PTGER3: variants seen among roughly 807,000 people sequenced by gnomAD.
PTGER3 encodes the protein prostaglandin E2 receptor EP3 subtype.
In PTGER3, 22 loss-of-function variants were observed where a neutral mutation model predicts 34.7. The observed-to-expected ratio is 0.63, with a 90% CI of 0.45 to 0.91. The LOEUF is 0.91. Among genes scored for constraint, PTGER3 ranks in the 40% least tolerant of loss-of-function variants. PTGER3 has a pLI of 0.00. For synonymous variants in PTGER3, 241 were observed against 230.1 expected, an observed-to-expected ratio of 1.05 and a Z score of -0.43; for missense variants, 468 against 519.4, an observed-to-expected ratio of 0.90 and a Z score of 0.96.
chr1:70,973,695 GA>G lies in PTGER3; in HGVS notation c.1169+601del, dbSNP rs532864681. Reference sequence around the variant, plus strand: ...ACCTTTTCACAGTCCTTCTTAAAAAGAAAAAAATCACACAATGCTATAATTC... The same window carrying G: ...ACCTTTTCACAGTCCTTCTTAAAAAGAAAAAATCACACAATGCTATAATTC... On this transcript the variant is annotated intron_variant, in intron 3 of 3. Coordinates refer to ENST00000306666, the MANE Select transcript of PTGER3 (RefSeq NM_198719.2). Among the ~76,000 whole-genome samples, 10 of 152,072 alleles carry G rather than the reference GA, an allele frequency of 6.6e-5. No homozygotes were observed. In the East Asian group the frequency reaches 1.5e-3, roughly 23 times the overall value.
At chr1:71,030,299 G>A (rs1420026385) in intron 1 of PTGER3, among the ~76,000 whole-genome samples, 1 of 152,070 alleles carries the variant, frequency 6.6e-6, no homozygotes, top group Non-Finnish European at 1.5e-5. Flanking sequence ...GGTTCTCTAA[G>A]GCTCTTTCTC....
At chr1:70,999,168 T>C (rs916484994) in intron 2 of PTGER3, among the ~76,000 whole-genome samples, 1 of 152,154 alleles carries the variant, frequency 6.6e-6, no homozygotes, top group African/African-American at 2.4e-5. Context: ...CAAAAGACAA[T>C]GTACAAAATA....
chr1:70,894,739 C>A (rs1646690755), intron 4 of PTGER3, among the ~76,000 whole-genome samples: 1 of 152,194 alleles, frequency 6.6e-6, no homozygotes, highest in Non-Finnish European at 1.5e-5. Context: ...CCCACCCTAT[C>A]TCCAGTAGAG....
intron 4 of PTGER3, among the ~76,000 whole-genome samples, chr1:70,912,468 G>C (rs991852677): frequency 2.0e-5 from 3 of 152,002 alleles, no homozygotes; most frequent in Non-Finnish European, 4.4e-5. Flanking sequence ...TTAAATTAAA[G>C]AGTTTGTTTT....
intron 4 of PTGER3, among the ~76,000 whole-genome samples, chr1:70,859,290 G>C (rs879794027): frequency 6.6e-6 from 1 of 152,184 alleles, no homozygotes; most frequent in Non-Finnish European, 1.5e-5. Flanking sequence ...CCTTTTTAAA[G>C]ATTTGCCACA....
At chr1:70,907,496 T>C (rs1284027120) in intron 4 of PTGER3, among the ~76,000 whole-genome samples, 3 of 152,256 alleles carry the variant, frequency 2.0e-5, no homozygotes, top group African/African-American at 7.2e-5. Flanking sequence ...GGTATGCTAC[T>C]GGACTAGTGG....
chr1:70,991,872 C>T lies in PTGER3; in HGVS notation c.1078-17484G>A, dbSNP rs568131743. 2.0e-5 allele frequency among the ~76,000 whole-genome samples: 3 copies of T among 152,176 alleles called. No individual in the cohort carries two copies. In the South Asian group the frequency reaches 6.2e-4, roughly 32 times the overall value. On this transcript the variant is annotated intron_variant, in intron 2 of 3. Coordinates refer to ENST00000306666, the MANE Select transcript of PTGER3 (RefSeq NM_198719.2). Reference sequence around the variant, plus strand: ...CTTTCTAAGAAGGGCCTTTTGTGTCCTTGCTCAAAGAAATGAAAATTCTTA... The same window carrying T: ...CTTTCTAAGAAGGGCCTTTTGTGTCTTTGCTCAAAGAAATGAAAATTCTTA...
intron 1 of PTGER3, among the ~76,000 whole-genome samples, chr1:71,027,034 A>G (rs1389812121): frequency 6.6e-6 from 1 of 152,210 alleles, no homozygotes; most frequent in Admixed American, 6.5e-5. Flanking sequence ...ACCCAGTGAG[A>G]GCAATTCTTA....
At chr1:70,964,873 C>T (rs1319134682) in intron 2 of PTGER3, among the ~76,000 whole-genome samples, 4 of 152,148 alleles carry the variant, frequency 2.6e-5, no homozygotes, top group Non-Finnish European at 5.9e-5. Flanking sequence ...CAGCTCTATG[C>T]CATACACCGT....
chr1:70,936,287 T>G (rs1649220857), intron 4 of PTGER3, among the ~76,000 whole-genome samples: 2 of 152,172 alleles, frequency 1.3e-5, no homozygotes, highest in African/African-American at 4.8e-5. Context: ...CAGCCATAGC[T>G]GCAGAGGTAG....
chr1:70,975,600 T>C (rs1466237483), intron 2 of PTGER3, among the ~76,000 whole-genome samples: 10 of 152,144 alleles, frequency 6.6e-5, no homozygotes, highest in Admixed American at 3.9e-4. Flanking sequence ...GACAGACATA[T>C]AGTTTTCCAA....
exon 5 of PTGER3, chr1:70,852,578 T>A: frequency 5.9e-6 from 3 of 510,182 alleles, no homozygotes; most frequent in South Asian, 2.8e-5. Context: ...ATTTTACATA[T>A]GATAATGTAT....
chr1:70,853,212 A>G (rs2100421112), intron 4 of PTGER3, among the ~76,000 whole-genome samples: 1 of 152,340 alleles, frequency 6.6e-6, no homozygotes, highest in South Asian at 2.1e-4. Context: ...TGCAGATAAG[A>G]TTAAAAAACT....
chr1:71,033,764 C>A (rs1659596238), intron 1 of PTGER3, among the ~76,000 whole-genome samples: 1 of 152,056 alleles, frequency 6.6e-6, no homozygotes, highest in South Asian at 2.1e-4. Context: ...CAACACATTC[C>A]TTGAGGACAA....
chr1:70,936,233 C>T (rs1292901962), intron 4 of PTGER3, among the ~76,000 whole-genome samples: 1 of 152,148 alleles, frequency 6.6e-6, no homozygotes, highest in Non-Finnish European at 1.5e-5. Flanking sequence ...AGACCAAGCA[C>T]TGTGTGCTTT....
At chr1:70,996,183 A>T (rs756364852) in intron 2 of PTGER3, among the ~76,000 whole-genome samples, 31 of 152,162 alleles carry the variant, frequency 2.0e-4, no homozygotes, top group Non-Finnish European at 3.5e-4. Flanking sequence ...AAATTTCAGC[A>T]TTTCCAACAA....
chr1:70,859,608 A>C (rs934762788), intron 4 of PTGER3, among the ~76,000 whole-genome samples: 2 of 152,254 alleles, frequency 1.3e-5, no homozygotes, highest in African/African-American at 4.8e-5. Context: ...ATGCTTTGAC[A>C]TAACGGGCGA....
At chr1:70,942,024 A>C (rs1047624648) in intron 4 of PTGER3, among the ~76,000 whole-genome samples, 2 of 152,142 alleles carry the variant, frequency 1.3e-5, no homozygotes, top group Non-Finnish European at 2.9e-5. Context: ...TTTTCATAAT[A>C]ATAGAATTAC....
At chr1:71,041,825 A>G (rs1330436898) in intron 1 of PTGER3, among the ~76,000 whole-genome samples, 1 of 152,254 alleles carries the variant, frequency 6.6e-6, no homozygotes, top group Non-Finnish European at 1.5e-5. Flanking sequence ...ACGCAGATGT[A>G]CAGCGTTTTA....
Sources: gnomAD v4.1 joint callset for allele counts (sites outside exome capture counted in the v4.1 genomes callset) on GRCh38, gnomAD v4.1.1 for gene constraint, MANE v1.5 for transcripts, NCBI Gene and HGNC (gene_info 2026-07-23, HGNC 2026-07-21) for gene names.